The following COL1A2 variants were observed in gnomAD, a reference collection of about 807,000 sequenced individuals.
COL1A2 encodes the protein collagen alpha-2(I) chain.
Under a neutral mutation model 174.3 loss-of-function variants are expected in COL1A2, and 49 were observed. The observed-to-expected ratio is 0.28, with a 90% CI of 0.22 to 0.36. The LOEUF (loss-of-function observed/expected upper bound fraction) is 0.36, where lower values mean the gene tolerates loss of function less well. Ranked by LOEUF, COL1A2 falls within the 10% of genes least tolerant of loss-of-function variation. COL1A2 has a pLI of 1.00. For synonymous variants in COL1A2, 655 were observed against 606.6 expected (o/e 1.08, Z -1.17); for missense variants, 1,438 against 1,822.7 (o/e 0.79, Z 3.84).
intron 12 of COL1A2, among the ~76,000 whole-genome samples, chr7:94,406,551 G>T (rs1467006468): frequency 1.3e-5 from 2 of 152,090 alleles, no homozygotes; most frequent in South Asian, 2.1e-4. Flanking sequence ...ATAGTTTCTT[G>T]TTCCATTTCC....
At chr7:94,430,062 T>G in intron 51 of COL1A2, 185 bp from the exon 52 acceptor site, 1 of 631,588 alleles carries the variant, frequency 1.6e-6, no homozygotes, top group Non-Finnish European at 2.8e-6. Context: ...GTTAGACTGA[T>G]AGGGAGCCCC....
chr7:94,419,409 CT>C, intron 33 of COL1A2, 88 bp from the exon 34 acceptor site: 1 of 1,440,368 alleles, frequency 6.9e-7, no homozygotes, highest in East Asian at 2.3e-5. Context: ...TGTTCAGTCA[CT>C]GTATAAGCAC....
Position 94,427,043 on chromosome 7 carries a change from G to A in COL1A2, c.3141G>A (p.Val1047=). 1 of 1,613,996 alleles carries A rather than the reference G, an allele frequency of 6.2e-7. No individual in the cohort carries two copies. The highest frequency in any genetic ancestry group is 8.5e-7 in the Non-Finnish European group (1 of 1,179,950). ...HHGDQGAPGS[V]GPAGPRGPAG... is the part of the protein sequence containing the mutation. ...GTGATCAAGGTGCTCCTGGCTCCGT[G>A]GGTCCTGCTGGTCCTAGGGTAGGTG... Residue 1047 remains valine (V), a synonymous_variant, in exon 47 of 52, where the codon GTG becomes GTA. Coordinates refer to ENST00000297268, the MANE Select transcript of COL1A2 (RefSeq NM_000089.4).
At chr7:94,395,123 G>T (rs778946547) in intron 1 of COL1A2, 22 bp downstream of exon 1, 1 of 1,607,280 alleles carries the variant, frequency 6.2e-7, no homozygotes, top group Non-Finnish European at 8.5e-7. Flanking sequence ...CAGCTTGTTT[G>T]GGGGAGACTG....
At position 94,412,130 on chromosome 7, in the gene COL1A2, T is replaced by C; in HGVS notation, c.1404+9T>C. ...GAAAAGAAGGTCCTGTCGTAAGTATTGCTCATTTTCCATTATATTTTCAAG... is the reference window on the plus strand; with the variant it reads ...GAAAAGAAGGTCCTGTCGTAAGTATCGCTCATTTTCCATTATATTTTCAAG... On this transcript the variant is annotated intron_variant, in intron 24 of 51. Coordinates refer to ENST00000297268, the MANE Select transcript of COL1A2 (RefSeq NM_000089.4). 6.2e-7 allele frequency: 1 copy of C among 1,610,998 alleles called. No homozygotes were observed. The highest frequency in any genetic ancestry group is 8.5e-7 in the Non-Finnish European group (1 of 1,177,850).
chr7:94,410,158 C>T, intron 19 of COL1A2, 84 bp from the exon 20 acceptor site: 2 of 1,407,750 alleles, frequency 1.4e-6, no homozygotes, highest in Non-Finnish European at 2.0e-6. Flanking sequence ...TTTACCTTGA[C>T]CCACAAATAT....
At chr7:94,415,328 G>T (rs1792017811) in intron 30 of COL1A2, 58 bp downstream of exon 30, 2 of 1,491,826 alleles carry the variant, frequency 1.3e-6, no homozygotes, top group Admixed American at 3.3e-5. Flanking sequence ...AAAAGTAGTA[G>T]TGCTTTCTCC....
chr7:94,428,397 A>C lies in COL1A2; in HGVS notation c.3631A>C (p.Ile1211Leu). 1 of 1,614,136 alleles carries C rather than the reference A, an allele frequency of 6.2e-7. No homozygotes were observed. Among genetic ancestry groups the C allele is most frequent in the South Asian group, 1.1e-5 (1 of 91,078 alleles). The change falls in exon 50 of 52, where the codon ATC becomes CTC. Residue 1211 changes from isoleucine (I) to leucine (L), a missense_variant. Physicochemically the swap from Ile to Leu is conservative, Grantham distance 5. Around this residue, in one of 3 missense-constraint regions of COL1A2, gnomAD observed 290 missense variants for 298.1 expected, o/e 0.97. Coordinates refer to ENST00000297268, the MANE Select transcript of COL1A2 (RefSeq NM_000089.4). ...ETCIRAQPENIPAKNWYRSSK... is the reference protein window; with the variant it reads ...ETCIRAQPENLPAKNWYRSSK... The stretch of plus-strand genomic sequence containing the variant: ...CTGTATCCGGGCCCAACCTGAAAAC[A>C]TCCCAGCCAAGAACTGGTATAGGAG...
In COL1A2 at chr7:94,410,941, T is replaced by C; in HGVS notation, c.1250T>C (p.Met417Thr). 6.2e-7 allele frequency: 1 copy of C among 1,614,082 alleles called. No homozygotes were observed. Among genetic ancestry groups the C allele is most frequent in the Non-Finnish European group, 8.5e-7 (1 of 1,179,990 alleles). Reference sequence around the variant, plus strand: ...GGAGCTGATGGCAGAGCTGGCGTCATGGTAAGCTGTCTATCACTTACTTCC... The same window carrying C: ...GGAGCTGATGGCAGAGCTGGCGTCACGGTAAGCTGTCTATCACTTACTTCC... Reference protein sequence around the residue: ...LPGADGRAGVMGPPGSRGASG... With the variant: ...LPGADGRAGVTGPPGSRGASG... The change falls in exon 22 of 52, where the codon ATG (methionine) becomes ACG (threonine). Residue 417 changes from methionine (M) to threonine (T), a missense_variant and splice_region_variant. By Grantham distance (81) the Met-to-Thr change is moderately conservative (BLOSUM62 -1). Coordinates refer to ENST00000297268, the MANE Select transcript of COL1A2 (RefSeq NM_000089.4).
rs768118794 is a variant in COL1A2 at position 94,426,404 on chromosome 7, T to C, written c.2998-19T>C. The C allele has an allele frequency of 3.8e-6, 6 of 1,567,712 alleles. No homozygotes were observed. The Admixed American group carries it at 5.6e-5, about 15-fold the overall frequency. ...TTTTTAAAACGGTAAGTCTTATCCA[T>C]CCTTCTGTTTCTTTATAGGGCCCAC... On this transcript the variant is annotated intron_variant, in intron 45 of 51. Coordinates refer to ENST00000297268, the MANE Select transcript of COL1A2 (RefSeq NM_000089.4).
intron 47 of COL1A2, 41 bp from the exon 48 acceptor site, chr7:94,427,147 G>T: frequency 6.2e-7 from 1 of 1,609,046 alleles, no homozygotes; most frequent in Non-Finnish European, 8.5e-7. Flanking sequence ...CCCTTGGTGG[G>T]ATTCACCAGC....
chr7:94,423,196 C>G (rs1269698894), intron 40 of COL1A2, 78 bp downstream of exon 40: 1 of 1,545,076 alleles, frequency 6.5e-7, no homozygotes, highest in Non-Finnish European at 8.9e-7. Context: ...CTTCAAGTGG[C>G]ATCTATTTGT....
At chr7:94,422,702 C>A in intron 39 of COL1A2, 1 of 495,284 alleles carries the variant, frequency 2.0e-6, no homozygotes. Flanking sequence ...AGTGGCATGA[C>A]ATTGTTTTTC....
chr7:94,410,526 G>T lies in COL1A2; in HGVS notation c.1196G>T (p.Arg399Ile). Residue 399 changes from arginine to isoleucine, a missense_variant and splice_region_variant, in exon 21 of 52, where the codon AGA (arginine) becomes ATA (isoleucine). Coordinates refer to ENST00000297268, the MANE Select transcript of COL1A2 (RefSeq NM_000089.4). ...GGCCCTCCAGGACCTCCTGGGCTGA[G>T]AGTAGGTTTCAAATGCTCCCAACAC... is the stretch of plus-strand genomic sequence containing the variant. ...SAGPPGPPGL[R>I]GSPGSRGLPG... is the part of the protein sequence containing the mutation. 2 of 1,549,184 alleles carry T rather than the reference G, an allele frequency of 1.3e-6. No individual in the cohort carries two copies. Among genetic ancestry groups the T allele is most frequent in the South Asian group, 2.4e-5 (2 of 83,946 alleles).
At chr7:94,407,613 C>T (rs1486021733) in intron 12 of COL1A2, among the ~76,000 whole-genome samples, 1 of 152,130 alleles carries the variant, frequency 6.6e-6, no homozygotes, top group Non-Finnish European at 1.5e-5. Flanking sequence ...AGGAGGTACA[C>T]TCAAATAACC....
intron 30 of COL1A2, among the ~76,000 whole-genome samples, chr7:94,415,498 C>A (rs971143729): frequency 3.9e-5 from 6 of 151,988 alleles, no homozygotes; most frequent in Admixed American, 1.3e-4. Flanking sequence ...ACACATAAAT[C>A]AATATATATT....
Position 94,406,258 on chromosome 7 carries a change from T to C in COL1A2, c.549T>C (p.Asn183=), listed in dbSNP as rs1476687366. The C allele has an allele frequency of 1.9e-6, 3 of 1,613,902 alleles. No individual in the cohort carries two copies. Among genetic ancestry groups the C allele is most frequent in the Non-Finnish European group, 8.5e-7 (1 of 1,179,806 alleles). The change falls in exon 12 of 52, where the codon AAT becomes AAC. Residue 183 remains asparagine (N), a synonymous_variant. Transcript: ENST00000297268. ...TAAGGCTTTCCTTTCAGGGACACAA[T>C]GGTCTGGATGGATTGAAGGGACAGC... The part of the protein sequence containing the change: ...LPGFKGIRGH[N]GLDGLKGQPG...
intron 1 of COL1A2, 41 bp downstream of exon 1, chr7:94,395,142 G>C (rs1316243047): frequency 1.9e-6 from 3 of 1,557,854 alleles, no homozygotes; most frequent in Non-Finnish European, 2.7e-6. Context: ...TGGGTAGAGA[G>C]GTTAGATGGG....
intron 48 of COL1A2, 125 bp from the exon 49 acceptor site, chr7:94,427,502 A>G: frequency 7.9e-7 from 1 of 1,261,946 alleles, no homozygotes; most frequent in Non-Finnish European, 1.1e-6. Context: ...ATTTATGTGA[A>G]CTTGATTATT....
Sources: gnomAD v4.1 joint callset for allele counts (sites outside exome capture counted in the v4.1 genomes callset) on GRCh38, gnomAD v4.1.1 for gene constraint, gnomAD v4.1.1 regional missense constraint, MANE v1.5 for transcripts, NCBI Gene and HGNC (gene_info 2026-07-23, HGNC 2026-07-21) for gene names.